PTPN14: variants seen among roughly 807,000 people sequenced by gnomAD.
The protein encoded by PTPN14 is protein tyrosine phosphatase non-receptor type 14.
A neutral mutation model predicts 126.8 loss-of-function variants in PTPN14; 53 were observed. The observed-to-expected ratio is 0.42, with a 90% CI of 0.34 to 0.53. The LOEUF (loss-of-function observed/expected upper bound fraction) is 0.53. PTPN14 is among the 20% of genes least tolerant of loss of function. The pLI, the probability that PTPN14 is intolerant of heterozygous loss-of-function variation, is 0.08. For missense variants in PTPN14, 1,257 were observed against 1,552.9 expected, an observed-to-expected ratio of 0.81 and a Z score of 3.20; for synonymous variants, 630 against 599.3, an observed-to-expected ratio of 1.05 and a Z score of -0.75.
intron 3 of PTPN14, among the ~76,000 whole-genome samples, chr1:214,428,510 G>T (rs1659720063): frequency 6.6e-6 from 1 of 152,132 alleles, no homozygotes; most frequent in Admixed American, 6.6e-5. Flanking sequence ...TATAGTAATG[G>T]ATTCTCCCTT....
At chr1:214,523,145 GTCAGA>G (rs1655300571) in intron 1 of PTPN14, among the ~76,000 whole-genome samples, 1 of 152,036 alleles carries the variant, frequency 6.6e-6, no homozygotes, top group South Asian at 2.1e-4. Context: ...ACAAGGACAG[GTCAGA>G]TCCATCTTTA....
intron 5 of PTPN14, among the ~76,000 whole-genome samples, chr1:214,408,875 A>G (rs79185056): frequency 0.017 from 2,601 of 152,260 alleles, 84 homozygotes; most frequent in African/African-American, 0.059. Flanking sequence ...TTCAGAAAAA[A>G]AAAGAGCCAG....
At chr1:214,420,387 A>G (rs1452481471) in intron 3 of PTPN14, among the ~76,000 whole-genome samples, 1 of 152,250 alleles carries the variant, frequency 6.6e-6, no homozygotes, top group Non-Finnish European at 1.5e-5. Context: ...CTATTTTGCC[A>G]GAGACACCCA....
At chr1:214,526,464 C>T (rs1369955446) in intron 1 of PTPN14, among the ~76,000 whole-genome samples, 1 of 151,902 alleles carries the variant, frequency 6.6e-6, no homozygotes, top group Non-Finnish European at 1.5e-5. Context: ...ATAAAATATA[C>T]ACTCCAAGGA....
intron 3 of PTPN14, among the ~76,000 whole-genome samples, chr1:214,428,093 T>C (rs1659709729): frequency 1.3e-5 from 2 of 152,142 alleles, no homozygotes; most frequent in African/African-American, 4.8e-5. Flanking sequence ...TTTTACAAGA[T>C]GGTACTGGCT....
At chr1:214,458,799 T>A (rs6676807) in intron 2 of PTPN14, among the ~76,000 whole-genome samples, 126,010 of 152,022 alleles carry the variant, frequency 0.83, 52,336 homozygotes, top group African/African-American at 0.89. Flanking sequence ...CCTAGGCTAG[T>A]TATTTTCAAA....
At position 214,383,807 on chromosome 1, in the gene PTPN14, C is replaced by T. The variant is rs768762207; in HGVS notation, c.2048G>A (p.Ser683Asn). ...CTGAGGGAGCTGGGGGACCTCGTGG[C>T]TGCCTGACCCCTCCTCGGGCGGTCC... Reference protein sequence around the residue: ...EQGPPEEGSGSHEVPQLPQYH... With the variant: ...EQGPPEEGSGNHEVPQLPQYH... The change falls in exon 13 of 19, where the codon AGC becomes AAC. Residue 683 changes from serine (S) to asparagine (N), a missense_variant. Transcript: ENST00000366956. This position sits in a 1 kb window ranked among gnomAD's most constrained non-coding sequence, Gnocchi z 4.4. 1.9e-6 allele frequency: 3 copies of T among 1,612,788 alleles called. No individual in the cohort carries two copies. The highest frequency in any genetic ancestry group is 2.5e-6 in the Non-Finnish European group (3 of 1,180,026).
chr1:214,431,699 T>C (rs1291719176), intron 3 of PTPN14, among the ~76,000 whole-genome samples: 1 of 152,228 alleles, frequency 6.6e-6, no homozygotes, highest in African/African-American at 2.4e-5. Context: ...AGCTCTGTCA[T>C]GTACTCAAAC....
At chr1:214,534,033 G>A (rs1035114967) in intron 1 of PTPN14, among the ~76,000 whole-genome samples, 1 of 152,060 alleles carries the variant, frequency 6.6e-6, no homozygotes, top group African/African-American at 2.4e-5. Context: ...AATAGAATTA[G>A]TTCTAAATAT....
intron 3 of PTPN14, among the ~76,000 whole-genome samples, chr1:214,421,289 C>T (rs1222471364): frequency 6.6e-6 from 1 of 152,072 alleles, no homozygotes; most frequent in Non-Finnish European, 1.5e-5. Flanking sequence ...GTAAAAGATG[C>T]CAGACACAAA....
intron 1 of PTPN14, among the ~76,000 whole-genome samples, chr1:214,518,644 C>T (rs1413162747): frequency 1.3e-5 from 2 of 152,138 alleles, no homozygotes. Context: ...TTTAAAATCC[C>T]ACTGGGCAGA....
intron 5 of PTPN14, among the ~76,000 whole-genome samples, chr1:214,408,386 C>T (rs1659218090): frequency 6.6e-6 from 1 of 152,182 alleles, no homozygotes; most frequent in South Asian, 2.1e-4. Flanking sequence ...AATCCCTCCT[C>T]ATTAACACTC....
At chr1:214,365,907 A>G (rs1005488454) in intron 17 of PTPN14, among the ~76,000 whole-genome samples, 3 of 152,152 alleles carry the variant, frequency 2.0e-5, no homozygotes, top group African/African-American at 7.2e-5. Context: ...GCTCATGCCT[A>G]TAATCCCAGC....
At position 214,357,812 on chromosome 1, in the gene PTPN14, T is replaced by TAGG; in HGVS notation, c.*109_*110insCCT. 4 of 858,082 alleles carry TAGG rather than the reference T, an allele frequency of 4.7e-6. No individual in the cohort carries two copies. Among genetic ancestry groups the TAGG allele is most frequent in the Non-Finnish European group, 7.3e-6 (4 of 547,866 alleles). The allele number at this position is 858,082 out of a possible 1,614,324, so 53.2% of individuals were successfully genotyped here. On this transcript the variant is annotated 3_prime_UTR_variant, in exon 19 of 19. Coordinates refer to ENST00000366956, the MANE Select transcript of PTPN14 (RefSeq NM_005401.5). ...TTGGCTACTGTCTTCAGAGAGCCTG[T>TAGG]TTGCTGCCAGCCACCTGCACCCCTG... is the stretch of plus-strand genomic sequence containing the variant.
intron 3 of PTPN14, among the ~76,000 whole-genome samples, chr1:214,418,433 A>AG (rs1291531054): frequency 6.6e-6 from 1 of 152,262 alleles, no homozygotes; most frequent in Non-Finnish European, 1.5e-5. Context: ...AACTGTGTTG[A>AG]GGGAGGAGAA....
chr1:214,384,108 C>T lies in PTPN14; in HGVS notation c.1747G>A (p.Ala583Thr). The change falls in exon 13 of 19, where the codon GCC becomes ACC. Residue 583 changes from alanine to threonine, a missense_variant. Ala to Thr is a moderately conservative substitution (Grantham distance 58, BLOSUM62 0). Transcript: ENST00000366956. This position sits in a 1 kb window ranked among gnomAD's most constrained non-coding sequence, Gnocchi z 5.3. The part of the protein sequence containing the change: ...PRPATSTPDL[A>T]SHRHKYVSGS... ...CTGACGTACTTGTGGCGGTGGCTGG[C>T]CAGGTCTGGGGTGCTGGTGGCAGGT... 6.4e-7 allele frequency: 1 copy of T among 1,572,016 alleles called. No homozygotes were observed. Among genetic ancestry groups the T allele is most frequent in the Non-Finnish European group, 8.6e-7 (1 of 1,161,854 alleles).
At chr1:214,359,733 C>T (rs1313029172) in intron 18 of PTPN14, among the ~76,000 whole-genome samples, 1 of 151,940 alleles carries the variant, frequency 6.6e-6, no homozygotes, top group Non-Finnish European at 1.5e-5. Context: ...GTTGCCCAGG[C>T]TGGTCTCAAA....
chr1:214,516,710 A>C (rs749057206), intron 1 of PTPN14, among the ~76,000 whole-genome samples: 1 of 152,110 alleles, frequency 6.6e-6, no homozygotes, highest in African/African-American at 2.4e-5. Flanking sequence ...ATAGAAAGGC[A>C]ATGTTTGTTT....
intron 1 of PTPN14, chr1:214,483,054 G>A: frequency 6.2e-7 from 1 of 1,609,576 alleles, no homozygotes; most frequent in Non-Finnish European, 8.5e-7. Context: ...TTGTCTACAT[G>A]GAAAATCAAA....
Sources: allele counts gnomAD v4.1 joint callset (sites outside exome capture counted in the v4.1 genomes callset), GRCh38; gene constraint gnomAD v4.1.1; non-coding constraint Gnocchi (gnomAD v3.1); transcripts MANE v1.5; gene names NCBI Gene and HGNC (gene_info 2026-07-23, HGNC 2026-07-21).